The following USF2 variants were observed in gnomAD, a reference collection of about 807,000 sequenced individuals.
USF2 encodes the protein upstream transcription factor 2, c-fos interacting.
Under a neutral mutation model 46.9 loss-of-function variants are expected in USF2, and 16 were observed. The observed-to-expected ratio is 0.34, with a 90% CI of 0.23 to 0.52. The LOEUF is 0.52. Ranked by LOEUF, USF2 falls within the 20% of genes least tolerant of loss-of-function variation. USF2 has a pLI of 0.96. For missense variants in USF2, 411 were observed against 474.0 expected (o/e 0.87, Z 1.23); for synonymous variants, 239 against 194.1 (o/e 1.23, Z -1.92).
intron 1 of USF2, 132 bp downstream of exon 1, chr19:35,269,295 GA>G (rs1229247065): frequency 1.1e-6 from 1 of 874,928 alleles, no homozygotes; most frequent in Non-Finnish European, 1.4e-6. Flanking sequence ...GCGCGGGGGG[GA>G]CCTGGCGCCT....
chr19:35,279,335 G>A lies in USF2; in HGVS notation c.*79G>A, dbSNP rs1489285638. 1 of 1,347,192 alleles carries A rather than the reference G, an allele frequency of 7.4e-7. No individual in the cohort carries two copies. Among genetic ancestry groups the A allele is most frequent in the Non-Finnish European group, 9.7e-7 (1 of 1,033,958 alleles). 83.5% of individuals were successfully genotyped at this position (1,347,192 alleles called of 1,614,324 possible). A position where few individuals can be genotyped will look rare whatever the true frequency, so the allele number is the denominator to read the frequency against. Reference sequence around the variant, plus strand: ...TTCCCCAGCCCTTAGCACAGAGAGGGACACATGCCCCTCCCCCAGCTGCGT... The same window carrying A: ...TTCCCCAGCCCTTAGCACAGAGAGGAACACATGCCCCTCCCCCAGCTGCGT... On this transcript the variant is annotated 3_prime_UTR_variant, in exon 10 of 10. Transcript: ENST00000222305.
At chr19:35,276,555 C>T (rs756735004) in intron 7 of USF2, among the ~76,000 whole-genome samples, 3 of 152,124 alleles carry the variant, frequency 2.0e-5, no homozygotes, top group Admixed American at 1.3e-4. Context: ...GGAGGAGATG[C>T]GGTCCTGACC....
Position 35,278,694 on chromosome 19 carries a change from G to T in USF2, c.728-4G>T, listed in dbSNP as rs761958909. On this transcript the variant is annotated splice_region_variant and splice_polypyrimidine_tract_variant and intron_variant, in intron 7 of 9. Coordinates refer to ENST00000222305, the MANE Select transcript of USF2 (RefSeq NM_003367.4). The stretch of plus-strand genomic sequence containing the variant: ...AGCCGTGGCTGTGACTCTGTTTTCC[G>T]CAGTGGAGCGGAGGCGGAGGGACAA... 27 of 1,613,992 alleles carry T rather than the reference G, an allele frequency of 1.7e-5. No individual in the cohort carries two copies. Among genetic ancestry groups the T allele is most frequent in the Non-Finnish European group, 1.9e-5 (23 of 1,179,992 alleles).
intron 4 of USF2, 128 bp from the exon 5 acceptor site, chr19:35,270,319 C>T (rs1042604165): frequency 2.2e-6 from 3 of 1,354,360 alleles, no homozygotes; most frequent in South Asian, 2.9e-5. Flanking sequence ...GGACAGAATG[C>T]TACACGCAGA....
At chr19:35,274,523 G>T (rs1043962375) in intron 7 of USF2, among the ~76,000 whole-genome samples, 1 of 152,168 alleles carries the variant, frequency 6.6e-6, no homozygotes, top group African/African-American at 2.4e-5. Context: ...TGGGTGTGGT[G>T]GCTCCCGCCC....
In USF2 at chr19:35,279,014, G is replaced by A; in HGVS notation, c.891G>A (p.Met297Ile). 6.3e-7 allele frequency: 1 copy of A among 1,582,122 alleles called. No homozygotes were observed. The highest frequency in any genetic ancestry group is 1.1e-5 in the South Asian group (1 of 87,256). The change falls in exon 9 of 10, where the codon ATG becomes ATA. Residue 297 changes from methionine to isoleucine, a missense_variant. Coordinates refer to ENST00000222305, the MANE Select transcript of USF2 (RefSeq NM_003367.4). ...IRELRQTNQR[M>I]QETFKEAERL... ...AGTTGCGCCAGACCAACCAGCGCAT[G>A]CAGGAGACCTTCAAAGAGGCCGAGC...
At chr19:35,278,576 T>G in intron 7 of USF2, 122 bp from the exon 8 acceptor site, 1 of 983,480 alleles carries the variant, frequency 1.0e-6, no homozygotes, top group East Asian at 2.4e-5. Context: ...TTCCCAGGGC[T>G]GTGGTCTCGG....
At chr19:35,275,473 T>C (rs2066221225) in intron 7 of USF2, 1 of 151,950 alleles carries the variant, frequency 6.6e-6, no homozygotes, top group Non-Finnish European at 1.5e-5. Flanking sequence ...AAAATCTTTA[T>C]TTTACAGGAT....
intron 4 of USF2, 192 bp from the exon 5 acceptor site, chr19:35,270,255 G>A (rs1405645507): frequency 1.0e-6 from 1 of 954,638 alleles, no homozygotes; most frequent in Non-Finnish European, 1.5e-6. Flanking sequence ...AAACGGATTT[G>A]CTCAGCAAGT....
In USF2 at chr19:35,279,373, G is replaced by A; in HGVS notation, c.*117G>A. On this transcript the variant is annotated 3_prime_UTR_variant, in exon 10 of 10. Coordinates refer to ENST00000222305, the MANE Select transcript of USF2 (RefSeq NM_003367.4). ...CCCCCAGCTGCGTTTTTTTATAGTA[G>A]ATTTTTAACAAAAAACGGGGAGAAA... The A allele has an allele frequency of 1.8e-6, 2 of 1,140,132 alleles. No homozygotes were observed. Among genetic ancestry groups the A allele is most frequent in the Non-Finnish European group, 2.3e-6 (2 of 854,314 alleles). The allele number at this position is 1,140,132 out of a possible 1,614,324, so 70.6% of individuals were successfully genotyped here. A position where few individuals can be genotyped will look rare whatever the true frequency, so the allele number is the denominator to read the frequency against.
chr19:35,276,403 T>C (rs1310137118), intron 7 of USF2, among the ~76,000 whole-genome samples: 5 of 152,186 alleles, frequency 3.3e-5, no homozygotes, highest in Admixed American at 1.3e-4. Flanking sequence ...GAAGTGCTTC[T>C]GTGGAATGAA....
rs2066120670 is a variant in USF2 at position 35,269,814 on chromosome 19, C to T, written c.240C>T (p.Arg80=). 4 of 1,489,990 alleles carry T rather than the reference C, an allele frequency of 2.7e-6. No homozygotes were observed. The highest frequency in any genetic ancestry group is 4.9e-5 in the Admixed American group (2 of 40,878). 92.3% of individuals were successfully genotyped at this position (1,489,990 alleles called of 1,614,324 possible). A position where few individuals can be genotyped will look rare whatever the true frequency, so the allele number is the denominator to read the frequency against. ...GCCGCCCCCTGCAGGTGACATACCGCGTAGTCCAGGTGACTGATGGTCAGC... is the reference window on the plus strand; with the variant it reads ...GCCGCCCCCTGCAGGTGACATACCGTGTAGTCCAGGTGACTGATGGTCAGC... ...TETNGGQVTY[R]VVQVTDGQLD... is the part of the protein sequence containing the mutation. Residue 80 remains arginine, a synonymous_variant, in exon 4 of 10, where the codon CGC becomes CGT. Transcript: ENST00000222305.
intron 6 of USF2, 118 bp downstream of exon 6, chr19:35,270,923 G>A (rs1599623298): frequency 1.4e-6 from 2 of 1,435,342 alleles, no homozygotes; most frequent in Admixed American, 1.8e-5. Context: ...TTTTTTCTTT[G>A]CCTGTTTCTG....
chr19:35,271,151 A>G lies in USF2; in HGVS notation c.727+10A>G. On this transcript the variant is annotated intron_variant, in intron 7 of 9. Coordinates refer to ENST00000222305, the MANE Select transcript of USF2 (RefSeq NM_003367.4). ...GCCCAGCACAACGAAGGTGAGGACA[A>G]GGTGTGGCTCCGGGTCCCCCTGACC... The G allele has an allele frequency of 2.5e-6, 4 of 1,613,934 alleles. No individual in the cohort carries two copies. Among genetic ancestry groups the G allele is most frequent in the Non-Finnish European group, 3.4e-6 (4 of 1,179,964 alleles).
intron 7 of USF2, chr19:35,275,964 A>G (rs1477873997): frequency 6.6e-6 from 1 of 151,358 alleles, no homozygotes; most frequent in African/African-American, 2.4e-5. Context: ...GTTGTTGTTT[A>G]CTTGTTCCAC....
intron 1 of USF2, 130 bp from the exon 2 acceptor site, chr19:35,269,316 G>A (rs2066104312): frequency 2.2e-6 from 2 of 896,974 alleles, no homozygotes; most frequent in South Asian, 5.0e-5. Context: ...TCCCGCCCCC[G>A]GCCCCCGGCC....
Position 35,270,462 on chromosome 19 carries a change from C to T in USF2, c.445C>T (p.Pro149Ser), listed in dbSNP as rs775471907. ...APFPLAVIQN[P>S]FSNGGSPAAE... ...TACTCCCCAGGCTGTGATCCAAAAT[C>T]CCTTCAGCAATGGTGGCAGTCCGGC... The change falls in exon 5 of 10, where the codon CCC becomes TCC. Residue 149 changes from proline to serine, a missense_variant. By Grantham distance (74) the Pro-to-Ser change is moderately conservative. Coordinates refer to ENST00000222305, the MANE Select transcript of USF2 (RefSeq NM_003367.4). 3.1e-6 allele frequency: 5 copies of T among 1,613,316 alleles called. No homozygotes were observed. In the South Asian group the frequency reaches 4.4e-5, roughly 14 times the overall value.
intron 6 of USF2, 114 bp downstream of exon 6, chr19:35,270,919 C>T (rs943396518): frequency 8.9e-6 from 13 of 1,462,886 alleles, no homozygotes; most frequent in African/African-American, 4.2e-5. Flanking sequence ...TGTTTTTTTT[C>T]TTTGCCTGTT....
In USF2 at chr19:35,270,769, A is replaced by C. The variant is rs766640758; in HGVS notation, c.632A>C (p.Gln211Pro). The C allele has an allele frequency of 5.6e-6, 9 of 1,614,140 alleles. No individual in the cohort carries two copies. The East Asian group carries it at 1.8e-4, about 32-fold the overall frequency. ...CAGGATGTGCTTCAGACAGGAACAC[A>C]GAGGACGATCGCCCCCCGGACACAC... ...TPQDVLQTGT[Q>P]RTIAPRTHPY... is the part of the protein sequence containing the mutation. The change falls in exon 6 of 10, where the codon CAG (glutamine) becomes CCG (proline). Residue 211 changes from glutamine to proline, a missense_variant. Physicochemically the swap from Gln to Pro is moderately conservative, Grantham distance 76 (BLOSUM62 -1). Coordinates refer to ENST00000222305, the MANE Select transcript of USF2 (RefSeq NM_003367.4).
Sources: allele counts gnomAD v4.1 joint callset (sites outside exome capture counted in the v4.1 genomes callset), GRCh38; gene constraint gnomAD v4.1.1; transcripts MANE v1.5; gene names NCBI Gene and HGNC (gene_info 2026-07-23, HGNC 2026-07-21).